Variants in SYNDIG1 observed in about 807,000 individuals in gnomAD.
The protein encoded by SYNDIG1 is synapse differentiation-inducing gene protein 1.
A neutral mutation model predicts 19.4 loss-of-function variants in SYNDIG1; 9 were observed. That is an observed-to-expected ratio of 0.46 (90% CI 0.28 to 0.81). The LOEUF is 0.81. Among genes scored for constraint, SYNDIG1 ranks in the 30% least tolerant of loss-of-function variants. The probability of loss-of-function intolerance (pLI) is 0.12; values close to 1 mark genes in which losing one functional copy is unlikely to be tolerated. For missense variants in SYNDIG1, 311 were observed against 343.3 expected (o/e 0.91, Z 0.74); for synonymous variants, 141 against 145.9 (o/e 0.97, Z 0.24).
intron 1 of SYNDIG1, among the ~76,000 whole-genome samples, chr20:24,495,980 G>A (rs1347195749): frequency 6.6e-6 from 1 of 152,116 alleles, no homozygotes; most frequent in Non-Finnish European, 1.5e-5. Context: ...GAGTAGCTGG[G>A]ACTACAGGTG....
At chr20:24,660,478 C>T (rs2059572852) in intron 3 of SYNDIG1, among the ~76,000 whole-genome samples, 1 of 152,196 alleles carries the variant, frequency 6.6e-6, no homozygotes, top group African/African-American at 2.4e-5. Flanking sequence ...TGGCTGCACA[C>T]ACAGCAGGCC....
chr20:24,582,285 C>T (rs1050750342), intron 2 of SYNDIG1, among the ~76,000 whole-genome samples: 7 of 124,522 alleles, frequency 5.6e-5, no homozygotes, highest in Admixed American at 3.9e-4. Context: ...CGGTCTCCCC[C>T]CTTGACGTCC....
intron 1 of SYNDIG1, among the ~76,000 whole-genome samples, chr20:24,479,641 T>C (rs967022970): frequency 6.6e-6 from 1 of 152,196 alleles, no homozygotes; most frequent in Admixed American, 6.5e-5. Flanking sequence ...GCCTCTCTCT[T>C]GCATCTTTTC....
intron 1 of SYNDIG1, among the ~76,000 whole-genome samples, chr20:24,500,402 T>C (rs537461985): frequency 6.2e-4 from 94 of 152,296 alleles, no homozygotes; most frequent in Admixed American, 9.8e-4. Flanking sequence ...CCACAAAACA[T>C]TGGGCTGTTC....
chr20:24,570,330 T>A (rs1320712477), intron 2 of SYNDIG1, among the ~76,000 whole-genome samples: 1 of 152,308 alleles, frequency 6.6e-6, no homozygotes, highest in South Asian at 2.1e-4. Flanking sequence ...AAACTTTTGC[T>A]CTGCAAAAAA....
At position 24,493,477 on chromosome 20, in the gene SYNDIG1, A is replaced by G. The variant is rs111256457; in HGVS notation, c.-79+23724A>G. ...CAGGTACACACACATACATGGGCAC[A>G]CACACATCCACATGCACACATGCAG... On this transcript the variant is annotated intron_variant, in intron 1 of 3. Transcript: ENST00000376862. Among the ~76,000 whole-genome samples the G allele has an allele frequency of 2.1e-3, 326 of 152,352 alleles. 4 individuals carry two copies. The highest frequency in any genetic ancestry group is 7.3e-3 in the African/African-American group (304 of 41,586).
intron 1 of SYNDIG1, among the ~76,000 whole-genome samples, chr20:24,488,254 C>T (rs766816426): frequency 2.6e-5 from 4 of 152,194 alleles, no homozygotes; most frequent in Non-Finnish European, 4.4e-5. Context: ...ATAATTCAGC[C>T]GGGATCCTGG....
At chr20:24,522,607 T>C (rs567981207) in intron 1 of SYNDIG1, among the ~76,000 whole-genome samples, 1 of 152,326 alleles carries the variant, frequency 6.6e-6, no homozygotes, top group African/African-American at 2.4e-5. Context: ...GAGGCTGTGG[T>C]TGGCATGCTT....
intron 2 of SYNDIG1, among the ~76,000 whole-genome samples, chr20:24,583,485 C>T (rs2058363432): frequency 6.6e-6 from 1 of 152,224 alleles, no homozygotes; most frequent in African/African-American, 2.4e-5. Flanking sequence ...GACTACTCTC[C>T]TAGAAAACAA....
At chr20:24,631,797 A>G (rs1415164684) in intron 3 of SYNDIG1, among the ~76,000 whole-genome samples, 3 of 152,322 alleles carry the variant, frequency 2.0e-5, no homozygotes, top group Admixed American at 6.5e-5. Flanking sequence ...ATGCAGAACC[A>G]TATTCTGTGA....
At chr20:24,540,939 G>GT (rs34120815) in intron 1 of SYNDIG1, among the ~76,000 whole-genome samples, 5 of 152,136 alleles carry the variant, frequency 3.3e-5, no homozygotes, top group Non-Finnish European at 5.9e-5. Context: ...CTTCTCTTCA[G>GT]TTTTTTTGGA....
At chr20:24,587,202 G>T (rs1411221381) in intron 3 of SYNDIG1, among the ~76,000 whole-genome samples, 2 of 152,170 alleles carry the variant, frequency 1.3e-5, no homozygotes, top group Admixed American at 6.5e-5. Context: ...CTTCACTATG[G>T]GCGTAGAGAG....
chr20:24,617,180 G>T (rs529640125), intron 3 of SYNDIG1, among the ~76,000 whole-genome samples: 169 of 152,296 alleles, frequency 1.1e-3, no homozygotes, highest in Admixed American at 4.7e-3. Context: ...TTCTCCTGCA[G>T]CACGGGGCCT....
At chr20:24,596,381 CT>C (rs922723124) in intron 3 of SYNDIG1, among the ~76,000 whole-genome samples, 22 of 148,906 alleles carry the variant, frequency 1.5e-4, no homozygotes, top group East Asian at 1.4e-3. Flanking sequence ...ATCTCTAAAC[CT>C]TTTTTTTTTC....
chr20:24,514,178 T>C (rs1465924236), intron 1 of SYNDIG1, among the ~76,000 whole-genome samples: 1 of 152,100 alleles, frequency 6.6e-6, no homozygotes, highest in Non-Finnish European at 1.5e-5. Flanking sequence ...ACATGCCAAA[T>C]TGTAAAGACC....
intron 1 of SYNDIG1, among the ~76,000 whole-genome samples, chr20:24,490,380 TGAG>T (rs1215257572): frequency 6.6e-6 from 1 of 152,084 alleles, no homozygotes; most frequent in African/African-American, 2.4e-5. Context: ...AGTTTGGAAA[TGAG>T]GAGAGGCCTA....
chr20:24,655,846 C>T (rs1451847575), intron 3 of SYNDIG1, among the ~76,000 whole-genome samples: 2 of 151,524 alleles, frequency 1.3e-5, no homozygotes, highest in Non-Finnish European at 2.9e-5. Flanking sequence ...AGAAACTATT[C>T]AGATGCTTTT....
rs77549268 is a variant in SYNDIG1, at chr20:24,573,760, C to T, written c.481-11096C>T. ...ATTCGTCATGTGTCTGTCACCTCCTCTCAAGTGTCCCAGAGTCTCATGGTC... is the reference window on the plus strand; with the variant it reads ...ATTCGTCATGTGTCTGTCACCTCCTTTCAAGTGTCCCAGAGTCTCATGGTC... On this transcript the variant is annotated intron_variant, in intron 2 of 3. Coordinates refer to ENST00000376862, the MANE Select transcript of SYNDIG1 (RefSeq NM_024893.3). 3.2e-4 allele frequency among the ~76,000 whole-genome samples: 49 copies of T among 152,354 alleles called. No homozygotes were observed. The East Asian group carries it at 9.1e-3, about 28-fold the overall frequency.
intron 2 of SYNDIG1, among the ~76,000 whole-genome samples, chr20:24,564,813 C>T (rs1279042988): frequency 6.6e-6 from 1 of 152,214 alleles, no homozygotes; most frequent in African/African-American, 2.4e-5. Context: ...AATGTGTTCT[C>T]ATTCACAAGT....
Sources: gnomAD v4.1 joint callset for allele counts (sites outside exome capture counted in the v4.1 genomes callset) on GRCh38, gnomAD v4.1.1 for gene constraint, MANE v1.5 for transcripts, NCBI Gene and HGNC (gene_info 2026-07-23, HGNC 2026-07-21) for gene names.